Variants in ANK3 observed in about 807,000 individuals in gnomAD.
ANK3 encodes the protein ankyrin-3.
ANK3 carries 57 observed loss-of-function variants against 370.9 expected under a neutral mutation model. The observed-to-expected ratio is 0.15, with a 90% CI of 0.12 to 0.19. The LOEUF (loss-of-function observed/expected upper bound fraction) is 0.19, where lower values mean the gene tolerates loss of function less well. ANK3 is among the 10% of genes least tolerant of loss of function. The pLI is 1.00. For missense variants in ANK3, 4,439 were observed against 5,302.1 expected (o/e 0.84, Z 5.06); for synonymous variants, 1,929 against 1,946.3 (o/e 0.99, Z 0.23).
At chr10:60,144,677 C>T (rs971576907) in intron 23 of ANK3, among the ~76,000 whole-genome samples, 9 of 152,100 alleles carry the variant, frequency 5.9e-5, no homozygotes, top group East Asian at 3.9e-4. Context: ...CTGTCAACTT[C>T]GTCTGCCAGG....
At chr10:60,484,222 G>A (rs2075293834) in intron 2 of ANK3, among the ~76,000 whole-genome samples, 1 of 152,106 alleles carries the variant, frequency 6.6e-6, no homozygotes, top group Non-Finnish European at 1.5e-5. Flanking sequence ...TCATTGAGGG[G>A]GATGGAAATG....
intron 2 of ANK3, among the ~76,000 whole-genome samples, chr10:60,501,630 T>C (rs2075799009): frequency 6.9e-6 from 1 of 144,378 alleles, no homozygotes; most frequent in African/African-American, 2.6e-5. Flanking sequence ...GTTTGAACCC[T>C]GGAGGCAGAG....
At chr10:60,335,590 A>T (rs754431921) in intron 1 of ANK3, among the ~76,000 whole-genome samples, 1 of 152,168 alleles carries the variant, frequency 6.6e-6, no homozygotes, top group Non-Finnish European at 1.5e-5. Context: ...ATATAAACAC[A>T]GGCAATGAAG....
chr10:60,043,150 C>A, intron 42 of ANK3: 1 of 992,180 alleles, frequency 1.0e-6, no homozygotes. Context: ...CATGGAAATG[C>A]TGTTGATCTG....
At chr10:60,693,308 C>A (rs915195424) in intron 1 of ANK3, among the ~76,000 whole-genome samples, 5 of 152,230 alleles carry the variant, frequency 3.3e-5, no homozygotes, top group Non-Finnish European at 5.9e-5. Context: ...TGCAAGGCAG[C>A]AGTGAGGCTG....
chr10:60,715,050 T>C (rs2079762531), intron 1 of ANK3, among the ~76,000 whole-genome samples: 1 of 152,138 alleles, frequency 6.6e-6, no homozygotes, highest in African/African-American at 2.4e-5. Context: ...ACCCAAGGTG[T>C]TATTAACAGG....
intron 1 of ANK3, among the ~76,000 whole-genome samples, chr10:60,382,281 T>C (rs560544005): frequency 1.2e-4 from 18 of 152,220 alleles, no homozygotes; most frequent in African/African-American, 3.6e-4. Context: ...ATGGTATTAG[T>C]AGACTTTTTT....
At chr10:60,051,153 C>G (rs969775023) in intron 42 of ANK3, among the ~76,000 whole-genome samples, 2 of 152,152 alleles carry the variant, frequency 1.3e-5, no homozygotes, top group Non-Finnish European at 2.9e-5. Flanking sequence ...TTGATATGAA[C>G]TACTGTGTCA....
intron 16 of ANK3, among the ~76,000 whole-genome samples, chr10:60,190,729 A>T (rs965719708): frequency 2.6e-5 from 4 of 152,220 alleles, no homozygotes; most frequent in Admixed American, 2.0e-4. Context: ...AATTAGAAAA[A>T]GCAATCCTAA....
At chr10:60,579,611 A>T (rs1419350982) in intron 2 of ANK3, among the ~76,000 whole-genome samples, 2 of 152,072 alleles carry the variant, frequency 1.3e-5, no homozygotes, top group African/African-American at 2.4e-5. Flanking sequence ...GTCATTATTA[A>T]CCCTCAGAGT....
intron 27 of ANK3, 140 bp from the exon 28 acceptor site, chr10:60,106,199 C>A: frequency 1.4e-6 from 1 of 739,076 alleles, no homozygotes; most frequent in Non-Finnish European, 2.1e-6. Context: ...GCTGCAGAAT[C>A]ATTTGCTAAT....
At chr10:60,208,810 G>C (rs1012171549) in intron 9 of ANK3, among the ~76,000 whole-genome samples, 1 of 152,112 alleles carries the variant, frequency 6.6e-6, no homozygotes, top group Non-Finnish European at 1.5e-5. Context: ...TGAATGTAAC[G>C]CATTTCATCT....
chr10:60,639,576 G>C (rs1344798445), intron 1 of ANK3, among the ~76,000 whole-genome samples: 1 of 151,720 alleles, frequency 6.6e-6, no homozygotes, highest in Non-Finnish European at 1.5e-5. Flanking sequence ...ATAAAACAAT[G>C]AGATGAACAA....
intron 2 of ANK3, among the ~76,000 whole-genome samples, chr10:60,586,059 A>T (rs2133286367): frequency 6.7e-6 from 1 of 148,272 alleles, no homozygotes; most frequent in East Asian, 2.0e-4. Flanking sequence ...CAAAAAAAAG[A>T]CTTTGACATT....
rs927269047 is a variant in ANK3 at position 60,073,453 on chromosome 10, A to G, written c.7428T>C (p.Ser2476=). The G allele has an allele frequency of 2.5e-6, 4 of 1,613,914 alleles. No individual in the cohort carries two copies. In the African/African-American group the frequency reaches 5.3e-5, roughly 22 times the overall value. The change falls in exon 37 of 44, where the codon TCT becomes TCC. Residue 2476 remains serine (S), a synonymous_variant. Coordinates refer to ENST00000280772, the MANE Select transcript of ANK3 (RefSeq NM_020987.5). Reference sequence around the variant, plus strand: ...TAACCGATTCCTCAGTATCAGAATGAGACACATCTAGCTTTTCTGACAGAA... The same window carrying G: ...TAACCGATTCCTCAGTATCAGAATGGGACACATCTAGCTTTTCTGACAGAA... ...KMLLSEKLDV[S]HSDTEESVTD... is the part of the protein sequence containing the mutation.
At chr10:60,296,550 A>G (rs1261853055) in intron 1 of ANK3, among the ~76,000 whole-genome samples, 1 of 152,228 alleles carries the variant, frequency 6.6e-6, no homozygotes, top group Non-Finnish European at 1.5e-5. Flanking sequence ...ACTAACTGGT[A>G]ACTAGAAGGC....
At chr10:60,444,254 C>T (rs1407103435) in intron 2 of ANK3, among the ~76,000 whole-genome samples, 1 of 151,430 alleles carries the variant, frequency 6.6e-6, no homozygotes, top group Non-Finnish European at 1.5e-5. Context: ...AGCTAGAGAG[C>T]AAAACTGAAT....
In ANK3 at chr10:60,271,245, A is replaced by C. The variant is rs372404232; in HGVS notation, c.415-1016T>G. ...TCTGTATCAAAATAATAATAATAAT[A>C]AACAAATGGAGTGCCGGGGTATCGT... On this transcript the variant is annotated intron_variant, in intron 4 of 43. Coordinates refer to ENST00000280772, the MANE Select transcript of ANK3 (RefSeq NM_020987.5). Among the ~76,000 whole-genome samples the C allele has an allele frequency of 9.2e-5, 14 of 152,098 alleles. 1 individual carries two copies. Among genetic ancestry groups the C allele is most frequent in the Non-Finnish European group, 1.5e-5 (1 of 68,016 alleles).
intron 1 of ANK3, among the ~76,000 whole-genome samples, chr10:60,361,002 T>A (rs1017142988): frequency 5.3e-5 from 8 of 152,134 alleles, no homozygotes; most frequent in African/African-American, 1.7e-4. Context: ...TTAAAAACAA[T>A]AGACCAGATA....
Sources: allele counts gnomAD v4.1 joint callset (sites outside exome capture counted in the v4.1 genomes callset), GRCh38; gene constraint gnomAD v4.1.1; transcripts MANE v1.5; gene names NCBI Gene and HGNC (gene_info 2026-07-23, HGNC 2026-07-21).